TTC34: variants seen among roughly 807,000 people sequenced by gnomAD.
TTC34 encodes tetratricopeptide repeat domain 34, also known as tetratricopeptide repeat protein 34.
In TTC34, 44 loss-of-function variants were observed where a neutral mutation model predicts 40.7. The ratio of observed to expected loss-of-function variants is 1.08; its 90% CI spans 0.85 to 1.39. TTC34 has a LOEUF of 1.39. Among genes scored for constraint, TTC34 ranks in the 40% most tolerant of loss-of-function variants. The probability of loss-of-function intolerance (pLI) is 0.00; values close to 1 mark genes in which losing one functional copy is unlikely to be tolerated. For synonymous variants in TTC34, 422 were observed against 398.6 expected, an observed-to-expected ratio of 1.06 and a Z score of -0.70; for missense variants, 884 against 838.0, an observed-to-expected ratio of 1.05 and a Z score of -0.68.
chr1:2,671,773 C>G (rs751928445), intron 6 of TTC34, among the ~76,000 whole-genome samples: 1 of 141,408 alleles, frequency 7.1e-6, no homozygotes, highest in Non-Finnish European at 1.5e-5. Context: ...ATCTGACAAC[C>G]TGAAGCAGCA....
At chr1:2,659,280 ATC>A (rs1439242382) in intron 6 of TTC34, among the ~76,000 whole-genome samples, 1 of 1,258 alleles carries the variant, frequency 7.9e-4, no homozygotes, top group African/African-American at 1.8e-3. Context: ...ACAGGTGAGC[ATC>A]TGACAGCCTG....
At chr1:2,756,818 A>C (rs1431338445) in intron 6 of TTC34, among the ~76,000 whole-genome samples, 53 of 139,510 alleles carry the variant, frequency 3.8e-4, no homozygotes, top group Admixed American at 6.4e-4. Flanking sequence ...CCTGGAGCAG[A>C]ACCCACACCC....
At chr1:2,791,206 C>T (rs1643660000) in intron 2 of TTC34, among the ~76,000 whole-genome samples, 1 of 152,066 alleles carries the variant, frequency 6.6e-6, no homozygotes, top group Non-Finnish European at 1.5e-5. Flanking sequence ...AGTGTAGCTG[C>T]CCCATCCCAA....
At chr1:2,752,087 C>T in intron 6 of TTC34, among the ~76,000 whole-genome samples, 1 of 111,176 alleles carries the variant, frequency 9.0e-6, no homozygotes, top group South Asian at 3.2e-4. Context: ...GCAGCACCCA[C>T]ACCTTCAGGC....
chr1:2,785,121 C>T (rs1351574098), intron 5 of TTC34, among the ~76,000 whole-genome samples: 2 of 152,230 alleles, frequency 1.3e-5, no homozygotes, highest in African/African-American at 4.8e-5. Context: ...ATGGGCAACG[C>T]TGCCATCCCC....
chr1:2,750,192 C>T (rs1641268952), intron 6 of TTC34, among the ~76,000 whole-genome samples: 67 of 147,442 alleles, frequency 4.5e-4, no homozygotes, highest in Admixed American at 1.8e-3. Context: ...CAGCCTGGGT[C>T]GGCACCCACA....
rs1385440747 is a variant in TTC34, at chr1:2,687,865, C to T, written c.2227-42302G>A. The stretch of plus-strand genomic sequence containing the variant: ...CCCACACCCACAGTTGAGCATCTGA[C>T]AGCCTGGAACAGAACCCACATCCCC... On this transcript the variant is annotated intron_variant, in intron 6 of 8. Transcript: ENST00000401095. 2.6e-5 allele frequency among the ~76,000 whole-genome samples: 4 copies of T among 151,728 alleles called. No homozygotes were observed. In the East Asian group the frequency reaches 5.8e-4, roughly 22 times the overall value.
intron 6 of TTC34, among the ~76,000 whole-genome samples, chr1:2,755,550 C>T (rs1485024144): frequency 1.0e-5 from 1 of 99,060 alleles, no homozygotes; most frequent in Non-Finnish European, 1.9e-5. Flanking sequence ...CACCCACAGG[C>T]GAGCATCTGA....
chr1:2,775,231 C>G (rs1201268161), intron 6 of TTC34: 3 of 150,746 alleles, frequency 2.0e-5, no homozygotes, highest in Admixed American at 6.6e-5. Flanking sequence ...ATCCACACCC[C>G]CAGGCGAGCA....
chr1:2,638,057 T>A (rs535778530), exon 9 of TTC34: 4 of 152,158 alleles, frequency 2.6e-5, no homozygotes, highest in East Asian at 3.9e-4. Context: ...TTATTTATTT[T>A]TTTTGTTCTG....
chr1:2,698,915 AGT>A (rs1640994900), intron 6 of TTC34, among the ~76,000 whole-genome samples: 1 of 79,840 alleles, frequency 1.3e-5, no homozygotes, highest in African/African-American at 4.0e-5. Flanking sequence ...GACAGCCTGG[AGT>A]AGTATCCTGC....
In TTC34 at chr1:2,751,528, C is replaced by A. The variant is rs1464539167; in HGVS notation, c.2226+32081G>T. On this transcript the variant is annotated intron_variant, in intron 6 of 8. Transcript: ENST00000401095. The stretch of plus-strand genomic sequence containing the variant: ...GACAGCCTTGAACAGCACCCTGCAC[C>A]CCCAGGTGAGCATCTGACAGCCTGC... 4.6e-5 allele frequency among the ~76,000 whole-genome samples: 5 copies of A among 109,192 alleles called. 1 individual carries two copies. Among genetic ancestry groups the A allele is most frequent in the African/African-American group, 1.2e-4 (3 of 24,236 alleles). 71.6% of individuals were successfully genotyped at this position (109,192 alleles called of 152,430 possible).
exon 3 of TTC34, chr1:2,790,173 G>C (rs1306683920): frequency 1.0e-5 from 4 of 398,298 alleles, no homozygotes; most frequent in African/African-American, 4.1e-5. Flanking sequence ...TCCTGCGCCT[G>C]AGCCCGGACG....
chr1:2,776,409 A>C (rs1470988102), intron 6 of TTC34: 1 of 136,848 alleles, frequency 7.3e-6, no homozygotes, highest in Admixed American at 7.0e-5. Context: ...TCACATCCCC[A>C]GGTAAGATTC....
At chr1:2,643,657 G>T (rs4075560) in intron 8 of TTC34, among the ~76,000 whole-genome samples, 5 of 152,206 alleles carry the variant, frequency 3.3e-5, no homozygotes, top group Admixed American at 2.0e-4. Flanking sequence ...CAGCTCGGGG[G>T]GGGCAGCGGC....
At chr1:2,750,697 G>C (rs1410097511) in intron 6 of TTC34, among the ~76,000 whole-genome samples, 1 of 79,048 alleles carries the variant, frequency 1.3e-5, no homozygotes. Context: ...CCCCAAGTGA[G>C]CATCCGACAG....
intron 6 of TTC34, among the ~76,000 whole-genome samples, chr1:2,758,183 A>C (rs1641569220): frequency 6.8e-6 from 1 of 146,754 alleles, no homozygotes; most frequent in African/African-American, 2.6e-5. Flanking sequence ...AGCCTGGAAC[A>C]GCACCCTGCA....
Position 2,787,541 on chromosome 1 carries a change from AG to A in TTC34, c.1793del (p.Pro598LeufsTer11). The A allele has an allele frequency of 6.5e-7, 1 of 1,539,192 alleles. No individual in the cohort carries two copies. The highest frequency in any genetic ancestry group is 8.8e-7 in the Non-Finnish European group (1 of 1,139,316). ...GCAGCAGGGCCAGTCGTGCCAGCAC[AG>A]GGGCTGCCTGGGGCCTCCGGGATAG... On this transcript the variant is annotated frameshift_variant, in exon 4 of 9. Coordinates refer to ENST00000401095, the Ensembl canonical transcript of TTC34. LOFTEE classifies it high-confidence loss of function.
rs1489911717 is a variant in TTC34 at position 2,750,325 on chromosome 1, C to A, written c.2226+33284G>T. ...GACAGACTGGAACTGCACCCCCATG[C>A]CCAGGTGAGCCTCTGACAGCCTTGA... On this transcript the variant is annotated intron_variant, in intron 6 of 8. Coordinates refer to ENST00000401095, the Ensembl canonical transcript of TTC34. 1.7e-4 allele frequency among the ~76,000 whole-genome samples: 17 copies of A among 98,664 alleles called. 5 individuals are homozygous for A. Among genetic ancestry groups the A allele is most frequent in the African/African-American group, 7.5e-4 (16 of 21,386 alleles). The allele number at this position is 98,664 out of a possible 152,430, so 64.7% of individuals were successfully genotyped here. A position where few individuals can be genotyped will look rare whatever the true frequency, so the allele number is the denominator to read the frequency against.
Sources: allele counts gnomAD v4.1 joint callset (sites outside exome capture counted in the v4.1 genomes callset), GRCh38; gene constraint gnomAD v4.1.1; transcripts MANE v1.5; gene names NCBI Gene and HGNC (gene_info 2026-07-23, HGNC 2026-07-21).